CYP2J2: variants seen among roughly 807,000 people sequenced by gnomAD.
CYP2J2 encodes the protein cytochrome P450 2J2.
In CYP2J2, 41 loss-of-function variants were observed where a neutral mutation model predicts 48.8. The ratio of observed to expected loss-of-function variants is 0.84; its 90% CI spans 0.66 to 1.09. The LOEUF (loss-of-function observed/expected upper bound fraction) is 1.09, where lower values mean the gene tolerates loss of function less well. Among genes scored for constraint, CYP2J2 ranks in the 50% least tolerant of loss-of-function variants. The pLI is 0.00. For synonymous variants in CYP2J2, 221 were observed against 227.1 expected (o/e 0.97, Z 0.24); for missense variants, 644 against 617.3 (o/e 1.04, Z -0.46).
upstream of CYP2J2, among the ~76,000 whole-genome samples, chr1:59,930,691 AG>A (rs1644598503): frequency 6.6e-6 from 1 of 152,092 alleles, no homozygotes; most frequent in Non-Finnish European, 1.5e-5. Context: ...CCTAAAAAAA[AG>A]TGTCAGCCAA....
At chr1:59,936,712 A>G in the CYP2J2 span, among the ~76,000 whole-genome samples, 1 of 152,056 alleles carries the variant, frequency 6.6e-6, no homozygotes, top group Non-Finnish European at 1.5e-5. Context: ...TAAATATTGA[A>G]ATTCTGCACA....
intron 4 of CYP2J2, among the ~76,000 whole-genome samples, chr1:59,910,441 T>C (rs781668754): frequency 8.6e-5 from 13 of 151,730 alleles, no homozygotes; most frequent in Admixed American, 3.3e-4. Flanking sequence ...AATGGCCATG[T>C]GTTGATAATT....
chr1:59,930,884 A>G (rs1644599687), upstream of CYP2J2, among the ~76,000 whole-genome samples: 1 of 152,186 alleles, frequency 6.6e-6, no homozygotes, highest in Non-Finnish European at 1.5e-5. Context: ...ACGTGGAAAC[A>G]CAAATTGCAA....
At chr1:59,929,817 C>T (rs539588180), upstream of CYP2J2, among the ~76,000 whole-genome samples, 8 of 152,046 alleles carry the variant, frequency 5.3e-5, no homozygotes, top group Non-Finnish European at 8.8e-5. Flanking sequence ...CCATAGAATA[C>T]AATGGCGAGA....
Position 59,922,009 on chromosome 1 carries a change from T to A in CYP2J2, c.210+4528A>T, listed in dbSNP as rs1644520279. On this transcript the variant is annotated intron_variant, in intron 1 of 8. Coordinates refer to ENST00000371204, the MANE Select transcript of CYP2J2 (RefSeq NM_000775.4). ...AACCTACCCCCATCCTCACTAAACT[T>A]AATAATAAATGCTGGTATATCCAGC... 2.6e-5 allele frequency among the ~76,000 whole-genome samples: 4 copies of A among 152,086 alleles called. No individual in the cohort carries two copies. In the South Asian group the frequency reaches 8.3e-4, roughly 32 times the overall value.
Position 59,904,987 on chromosome 1 carries a change from T to C in CYP2J2, c.1075A>G (p.Met359Val), listed in dbSNP as rs886404864. The C allele has an allele frequency of 3.1e-6, 5 of 1,613,926 alleles. No individual in the cohort carries two copies. Among genetic ancestry groups the C allele is most frequent in the Middle Eastern group, 1.6e-4 (1 of 6,082 alleles). The change falls in exon 7 of 9, where the codon ATG (methionine) becomes GTG (valine). Residue 359 changes from methionine (M) to valine (V), a missense_variant. Physicochemically the swap from Met to Val is conservative, Grantham distance 21. Coordinates refer to ENST00000371204, the MANE Select transcript of CYP2J2 (RefSeq NM_000775.4). ...QQPSTAARES[M>V]PYTNAVIHEV... is the part of the protein sequence containing the mutation. ...TGGATGACAGCATTGGTGTAGGGCA[T>C]GGACTCCCGGGCGGCTGTGCTCGGC...
upstream of CYP2J2, chr1:59,926,909 C>G: frequency 1.5e-6 from 1 of 653,194 alleles, no homozygotes; most frequent in Non-Finnish European, 2.6e-6. Context: ...AGGACACGCA[C>G]CGGTCTCAGA....
At chr1:59,907,508 T>G (rs1644374906) in intron 6 of CYP2J2, among the ~76,000 whole-genome samples, 1 of 152,218 alleles carries the variant, frequency 6.6e-6, no homozygotes, top group African/African-American at 2.4e-5. Flanking sequence ...AAGTTAACTG[T>G]TTCCTGGAAC....
intron 8 of CYP2J2, among the ~76,000 whole-genome samples, chr1:59,898,179 T>C (rs1301310975): frequency 6.6e-6 from 1 of 152,158 alleles, no homozygotes; most frequent in African/African-American, 2.4e-5. Flanking sequence ...CATCAAAAAT[T>C]GTAGTAATAT....
chr1:59,926,998 T>G (rs1644572760), upstream of CYP2J2, among the ~76,000 whole-genome samples: 1 of 152,230 alleles, frequency 6.6e-6, no homozygotes, highest in Non-Finnish European at 1.5e-5. Context: ...CATTTGAGCC[T>G]CTGTTCGGTT....
the CYP2J2 span, among the ~76,000 whole-genome samples, chr1:59,962,418 T>C: frequency 1.3e-5 from 2 of 152,136 alleles, no homozygotes; most frequent in African/African-American, 2.4e-5. Context: ...AGAGCTCCAA[T>C]AGGGATGACT....
the CYP2J2 span, among the ~76,000 whole-genome samples, chr1:59,952,393 AATC>A: frequency 6.6e-6 from 1 of 151,556 alleles, no homozygotes; most frequent in African/African-American, 2.4e-5. Flanking sequence ...CTGTCTGGGC[AATC>A]ATCAGCTGGT....
At chr1:59,903,003 C>A (rs1334196301) in intron 7 of CYP2J2, among the ~76,000 whole-genome samples, 1 of 152,122 alleles carries the variant, frequency 6.6e-6, no homozygotes, top group African/African-American at 2.4e-5. Context: ...TTAAAGCTGA[C>A]AAAAATCAGC....
the CYP2J2 span, among the ~76,000 whole-genome samples, chr1:59,962,095 TTAAATGGG>T: frequency 6.6e-6 from 1 of 152,158 alleles, no homozygotes; most frequent in East Asian, 1.9e-4. Context: ...ATTGTATATT[TTAAATGGG>T]TAAATTTTAT....
Position 59,900,970 on chromosome 1 carries a change from G to A in CYP2J2, c.1325C>T (p.Ser442Leu), listed in dbSNP as rs779241709. ...FKKREAFMPF[S>L]IGKRACLGEQ... is the part of the protein sequence containing the mutation. ...ACCTGTTTACTACAACTTACCTATT[G>A]AGAAAGGCATAAAGGCTTCCCTTTT... is the stretch of plus-strand genomic sequence containing the variant. Residue 442 changes from serine to leucine, a missense_variant, in exon 8 of 9, where the codon TCA becomes TTA. By Grantham distance (145) the Ser-to-Leu change is moderately radical. Transcript: ENST00000371204. 6.2e-6 allele frequency: 10 copies of A among 1,613,712 alleles called. No individual in the cohort carries two copies. Among genetic ancestry groups the A allele is most frequent in the Non-Finnish European group, 8.5e-6 (10 of 1,179,762 alleles).
At chr1:59,918,885 A>G (rs1212521196) in intron 1 of CYP2J2, among the ~76,000 whole-genome samples, 3 of 152,238 alleles carry the variant, frequency 2.0e-5, no homozygotes, top group African/African-American at 4.8e-5. Context: ...AAAGGGTGGA[A>G]CAAAATAAAT....
chr1:59,927,126 A>G (rs1466451063), upstream of CYP2J2, among the ~76,000 whole-genome samples: 1 of 152,070 alleles, frequency 6.6e-6, no homozygotes, highest in Non-Finnish European at 1.5e-5. Flanking sequence ...CTCTTTACAT[A>G]GATTATTATT....
At chr1:59,947,517 T>C in the CYP2J2 span, among the ~76,000 whole-genome samples, 114 of 152,234 alleles carry the variant, frequency 7.5e-4, no homozygotes, top group Middle Eastern at 0.014. Context: ...TCCGCCCCCA[T>C]GTGGTCTTAA....
upstream of CYP2J2, chr1:59,926,875 G>A: frequency 1.2e-6 from 1 of 813,372 alleles, no homozygotes; most frequent in Admixed American, 2.7e-5. Context: ...ACCCTGCGAA[G>A]ATGCCAGGCG....
Sources: gnomAD v4.1 joint callset for allele counts (sites outside exome capture counted in the v4.1 genomes callset) on GRCh38, gnomAD v4.1.1 for gene constraint, MANE v1.5 for transcripts, NCBI Gene and HGNC (gene_info 2026-07-23, HGNC 2026-07-21) for gene names.